SYT3: variants seen among roughly 807,000 people sequenced by gnomAD.
SYT3 encodes synaptotagmin 3.
SYT3 carries 25 observed loss-of-function variants against 50.6 expected under a neutral mutation model. That is an observed-to-expected ratio of 0.49 (90% CI 0.36 to 0.69). SYT3 has a LOEUF of 0.69. Ranked by LOEUF, SYT3 falls within the 30% of genes least tolerant of loss-of-function variation. SYT3 has a pLI of 0.00. For missense variants in SYT3, 589 were observed against 793.6 expected (o/e 0.74, Z 3.10); for synonymous variants, 323 against 353.9 (o/e 0.91, Z 0.98).
chr19:50,639,604 T>C lies in SYT3; in HGVS notation c.-154+186A>G, dbSNP rs1984609584. On this transcript the variant is annotated intron_variant, in intron 1 of 10. Transcript: ENST00000600079. The surrounding 1 kb of genome is among the most constrained non-coding windows in gnomAD (Gnocchi z 4.6). ...GAGGGGTGGGATACACCCAGGTGTT[T>C]CGGGACCCCCTTCCAGGGCCACGTG... Among the ~76,000 whole-genome samples, 1 of 151,654 alleles carries C rather than the reference T, an allele frequency of 6.6e-6. No individual in the cohort carries two copies. The highest frequency in any genetic ancestry group is 6.6e-5 in the Admixed American group (1 of 15,252).
At chr19:50,649,678 C>T in the SYT3 span, 1 of 765,082 alleles carries the variant, frequency 1.3e-6, no homozygotes, top group South Asian at 1.5e-5. Context: ...CCCCCTTGGA[C>T]CTCAAACTAC....
chr19:50,655,238 C>T, the SYT3 span, among the ~76,000 whole-genome samples: 32 of 152,172 alleles, frequency 2.1e-4, no homozygotes, highest in Non-Finnish European at 1.0e-4. Flanking sequence ...GAACAACTAG[C>T]ACTTGGCCAT....
chr19:50,630,599 T>G (rs1984268229), intron 4 of SYT3, among the ~76,000 whole-genome samples: 1 of 152,038 alleles, frequency 6.6e-6, no homozygotes, highest in Admixed American at 6.6e-5. Flanking sequence ...ATTTTTATAT[T>G]TTTAGCAGAG....
Position 50,639,582 on chromosome 19 carries a change from G to C in SYT3, c.-154+208C>G, listed in dbSNP as rs1475540595. Among the ~76,000 whole-genome samples, 1 of 151,994 alleles carries C rather than the reference G, an allele frequency of 6.6e-6. No individual in the cohort carries two copies. The stretch of plus-strand genomic sequence containing the variant: ...CCCGCGCTGGGGATCGGTGGGCGAG[G>C]GGTGGGATACACCCAGGTGTTTCGG... On this transcript the variant is annotated intron_variant, in intron 1 of 10. Coordinates refer to ENST00000600079, the MANE Select transcript of SYT3 (RefSeq NM_001160329.2). The surrounding 1 kb of genome is among the most constrained non-coding windows in gnomAD (Gnocchi z 4.6).
Position 50,632,385 on chromosome 19 carries a change from C to T in SYT3, c.575G>A (p.Gly192Glu), listed in dbSNP as rs771656522. Residue 192 changes from glycine to glutamate, a missense_variant, in exon 4 of 11, where the codon GGG (glycine) becomes GAG (glutamate). Physicochemically the swap from Gly to Glu is moderately conservative, Grantham distance 98. Transcript: ENST00000600079. The surrounding 1 kb of genome is among the most constrained non-coding windows in gnomAD (Gnocchi z 4.7). Reference sequence around the variant, plus strand: ...CAGGAGCAACCCAGAGCCTGCTCCCCCCTCAGAGGGCAGCTCAGGGGATGT... The same window carrying T: ...CAGGAGCAACCCAGAGCCTGCTCCCTCCTCAGAGGGCAGCTCAGGGGATGT... ...SQTSPELPSE[G>E]GAGSGLLLLP... is the part of the protein sequence containing the mutation. The T allele has an allele frequency of 1.9e-6, 3 of 1,613,236 alleles. No homozygotes were observed. The highest frequency in any genetic ancestry group is 1.1e-5 in the South Asian group (1 of 91,072).
the SYT3 span, among the ~76,000 whole-genome samples, chr19:50,650,980 G>A: frequency 2.0e-5 from 3 of 152,198 alleles, no homozygotes; most frequent in Non-Finnish European, 2.9e-5. Flanking sequence ...TTTGTTGATC[G>A]ACGTTTGTTC....
At position 50,625,778 on chromosome 19, in the gene SYT3, G is replaced by C. The variant is rs1439051787; in HGVS notation, c.1402+119C>G. 1 of 583,740 alleles carries C rather than the reference G, an allele frequency of 1.7e-6. No individual in the cohort carries two copies. The highest frequency in any genetic ancestry group is 1.9e-5 in the South Asian group (1 of 53,372). The allele number at this position is 583,740 out of a possible 1,614,324, so 36.2% of individuals were successfully genotyped here. A position where few individuals can be genotyped will look rare whatever the true frequency, so the allele number is the denominator to read the frequency against. On this transcript the variant is annotated intron_variant, in intron 7 of 10. Transcript: ENST00000600079. This position sits in a 1 kb window ranked among gnomAD's most constrained non-coding sequence, Gnocchi z 7.5. ...CTGGCCCCTCCTCCCTCAGACCCAGGAGTCCAGATCCCCAGCTCCTCCTCC... is the reference window on the plus strand; with the variant it reads ...CTGGCCCCTCCTCCCTCAGACCCAGCAGTCCAGATCCCCAGCTCCTCCTCC...
chr19:50,655,517 C>T, the SYT3 span, among the ~76,000 whole-genome samples: 94 of 151,996 alleles, frequency 6.2e-4, no homozygotes, highest in East Asian at 1.5e-3. Flanking sequence ...GGCGTGGTAG[C>T]GGGTGCCTGT....
intron 6 of SYT3, 62 bp downstream of exon 6, chr19:50,629,232 C>T (rs1984185291): frequency 2.9e-6 from 4 of 1,382,810 alleles, no homozygotes; most frequent in Non-Finnish European, 3.9e-6. Flanking sequence ...GGGCAGGGGG[C>T]TTGCAACCCG....
intron 6 of SYT3, among the ~76,000 whole-genome samples, chr19:50,627,083 A>G (rs1599814295): frequency 6.6e-6 from 1 of 152,084 alleles, no homozygotes; most frequent in African/African-American, 2.4e-5. Context: ...ACTGCCCCCA[A>G]CCCTGACACA....
In SYT3 at chr19:50,630,154, C is replaced by CG; in HGVS notation, c.691dup (p.Arg231ProfsTer17). 1 of 1,101,980 alleles carries CG rather than the reference C, an allele frequency of 9.1e-7. No homozygotes were observed. The highest frequency in any genetic ancestry group is 1.3e-6 in the Non-Finnish European group (1 of 792,278). 68.3% of individuals were successfully genotyped at this position (1,101,980 alleles called of 1,614,324 possible). A position where few individuals can be genotyped will look rare whatever the true frequency, so the allele number is the denominator to read the frequency against. ...GGTCAGAGTCTGCTGGGTGAGGGGT[C>CG]GGGGCAGGGCTGGGTACCTGTAGGG... is the stretch of plus-strand genomic sequence containing the variant. On this transcript the variant is annotated frameshift_variant, in exon 5 of 11. Transcript: ENST00000600079. LOFTEE classifies it high-confidence loss of function.
chr19:50,630,460 T>C (rs906302897), intron 4 of SYT3, among the ~76,000 whole-genome samples: 2 of 150,634 alleles, frequency 1.3e-5, no homozygotes, highest in African/African-American at 4.9e-5. Context: ...TTTGCTCTTG[T>C]CACCCAGGCT....
the SYT3 span, among the ~76,000 whole-genome samples, chr19:50,652,998 G>C: frequency 6.6e-6 from 1 of 152,162 alleles, no homozygotes; most frequent in African/African-American, 2.4e-5. Context: ...TACCTCGGAA[G>C]GTTGTTGTGA....
At chr19:50,640,352 C>G (rs1984639723), upstream of SYT3, among the ~76,000 whole-genome samples, 1 of 152,216 alleles carries the variant, frequency 6.6e-6, no homozygotes, top group Non-Finnish European at 1.5e-5. Context: ...ACACCATAAA[C>G]TTATTTCCTA....
chr19:50,626,466 G>A (rs141028360), intron 6 of SYT3, among the ~76,000 whole-genome samples: 2,739 of 148,102 alleles, frequency 0.018, 86 homozygotes, highest in African/African-American at 0.065. Flanking sequence ...GGGAGACAGA[G>A]ACCCAGAGAG....
At position 50,639,555 on chromosome 19, in the gene SYT3, C is replaced by A. The variant is rs1036214912; in HGVS notation, c.-154+235G>T. 6.6e-6 allele frequency among the ~76,000 whole-genome samples: 1 copy of A among 151,966 alleles called. No homozygotes were observed. The highest frequency in any genetic ancestry group is 1.5e-5 in the Non-Finnish European group (1 of 67,938). Reference sequence around the variant, plus strand: ...GGGGCCACGGAATGAGGAAACGATCCCCCCGCGCTGGGGATCGGTGGGCGA... The same window carrying A: ...GGGGCCACGGAATGAGGAAACGATCACCCCGCGCTGGGGATCGGTGGGCGA... On this transcript the variant is annotated intron_variant, in intron 1 of 10. Coordinates refer to ENST00000600079, the MANE Select transcript of SYT3 (RefSeq NM_001160329.2). This position sits in a 1 kb window ranked among gnomAD's most constrained non-coding sequence, Gnocchi z 4.6.
intron 6 of SYT3, 90 bp downstream of exon 6, chr19:50,629,204 G>A: frequency 1.0e-6 from 1 of 1,003,888 alleles, no homozygotes. Flanking sequence ...CAAGAAGTGA[G>A]GAAGTTATGA....
Position 50,622,771 on chromosome 19 carries a change from C to T in SYT3, c.1708-16G>A. The T allele has an allele frequency of 1.1e-6, 1 of 870,262 alleles. No individual in the cohort carries two copies. The highest frequency in any genetic ancestry group is 2.0e-6 in the Non-Finnish European group (1 of 512,800). 53.9% of individuals were successfully genotyped at this position (870,262 alleles called of 1,614,324 possible). A position where few individuals can be genotyped will look rare whatever the true frequency, so the allele number is the denominator to read the frequency against. On this transcript the variant is annotated splice_polypyrimidine_tract_variant and intron_variant, in intron 9 of 10. Coordinates refer to ENST00000600079, the MANE Select transcript of SYT3 (RefSeq NM_001160329.2). Reference sequence around the variant, plus strand: ...CAGTCTTTTCCTAAAGGAGAAAGTGCAGAAGGTTCGGGAGTGAGAGACAGA... The same window carrying T: ...CAGTCTTTTCCTAAAGGAGAAAGTGTAGAAGGTTCGGGAGTGAGAGACAGA...
rs779504372 is a variant in SYT3 at position 50,625,230 on chromosome 19, G to A, written c.1639C>T (p.Arg547Cys). The A allele has an allele frequency of 9.4e-6, 15 of 1,587,510 alleles. No individual in the cohort carries two copies. Among genetic ancestry groups the A allele is most frequent in the Admixed American group, 1.7e-5 (1 of 57,234 alleles). Reference sequence around the variant, plus strand: ...GCCAGCATCTCTGCCCAGTGCTCGCGGCCGTGCGGGTCGGCAGCGTCGGGG... The same window carrying A: ...GCCAGCATCTCTGCCCAGTGCTCGCAGCCGTGCGGGTCGGCAGCGTCGGGG... The part of the protein sequence containing the change: ...VGPDAADPHG[R>C]EHWAEMLANP... The change falls in exon 9 of 11, where the codon CGC becomes TGC. Residue 547 changes from arginine to cysteine, a missense_variant. By Grantham distance (180) the Arg-to-Cys change is radical. Around this residue, in one of 2 missense-constraint regions of SYT3, gnomAD observed 273 missense variants for 439.3 expected, o/e 0.62. Coordinates refer to ENST00000600079, the MANE Select transcript of SYT3 (RefSeq NM_001160329.2). This position sits in a 1 kb window ranked among gnomAD's most constrained non-coding sequence, Gnocchi z 7.5.
Sources: gnomAD v4.1 joint callset for allele counts (sites outside exome capture counted in the v4.1 genomes callset) on GRCh38, gnomAD v4.1.1 for gene constraint, gnomAD v4.1.1 regional missense constraint, Gnocchi (gnomAD v3.1) non-coding constraint, MANE v1.5 for transcripts, NCBI Gene and HGNC (gene_info 2026-07-23, HGNC 2026-07-21) for gene names.